Variants in INSC observed in about 807,000 individuals in gnomAD.
INSC encodes the protein INSC spindle orientation adaptor protein.
INSC carries 67 observed loss-of-function variants against 58.6 expected under a neutral mutation model. The ratio of observed to expected loss-of-function variants is 1.14; its 90% CI spans 0.94 to 1.40. The LOEUF (loss-of-function observed/expected upper bound fraction) is 1.40. INSC is among the 40% of genes most tolerant of loss of function. The pLI is 0.00. For missense variants in INSC, 714 were observed against 692.0 expected, an observed-to-expected ratio of 1.03 and a Z score of -0.36; for synonymous variants, 262 against 276.1, an observed-to-expected ratio of 0.95 and a Z score of 0.51.
intron 6 of INSC, among the ~76,000 whole-genome samples, chr11:15,199,348 C>T (rs1400334899): frequency 6.6e-6 from 1 of 152,170 alleles, no homozygotes; most frequent in Non-Finnish European, 1.5e-5. Flanking sequence ...TTATGAACTC[C>T]TCCAGAGTTG....
intron 12 of INSC, among the ~76,000 whole-genome samples, chr11:15,243,824 C>A (rs189126721): frequency 1.1e-4 from 16 of 151,804 alleles, no homozygotes; most frequent in African/African-American, 3.6e-4. Context: ...TTACCTCACC[C>A]TACCTCTCTC....
chr11:15,180,373 T>A (rs1849727572), intron 5 of INSC, among the ~76,000 whole-genome samples: 1 of 152,180 alleles, frequency 6.6e-6, no homozygotes, highest in Admixed American at 6.5e-5. Context: ...GTGCTTTCTA[T>A]GAGGCAGCAA....
At chr11:15,137,918 A>T (rs140838409) in intron 1 of INSC, among the ~76,000 whole-genome samples, 1 of 152,322 alleles carries the variant, frequency 6.6e-6, no homozygotes, top group East Asian at 1.9e-4. Flanking sequence ...GGCTTTTGAC[A>T]TGCTGTCCTC....
chr11:15,229,457 T>G (rs1435931668), intron 9 of INSC, among the ~76,000 whole-genome samples: 1 of 152,184 alleles, frequency 6.6e-6, no homozygotes, highest in South Asian at 2.1e-4. Flanking sequence ...TCAGACAGAT[T>G]TGAGTTCACA....
chr11:15,225,932 C>A, intron 9 of INSC, 104 bp downstream of exon 9: 1 of 1,187,928 alleles, frequency 8.4e-7, no homozygotes, highest in Non-Finnish European at 1.2e-6. Flanking sequence ...CATGGGAGTC[C>A]TGTTAGTTTT....
chr11:15,114,960 G>T lies in INSC; in HGVS notation c.-89G>T. On this transcript the variant is annotated 5_prime_UTR_variant, in exon 1 of 13. Transcript: ENST00000379556. ...GCCTCTGGAGCTCCAGCTGCGCCCC[G>T]CCACCACTGGCCGCTCGCACTACCA... The T allele has an allele frequency of 4.1e-6, 4 of 985,460 alleles. No individual in the cohort carries two copies. The highest frequency in any genetic ancestry group is 4.8e-6 in the Non-Finnish European group (4 of 829,944). 61.0% of individuals were successfully genotyped at this position (985,460 alleles called of 1,614,324 possible). A position where few individuals can be genotyped will look rare whatever the true frequency, so the allele number is the denominator to read the frequency against.
the INSC span, among the ~76,000 whole-genome samples, chr11:15,253,632 C>CTT: frequency 0.065 from 9,541 of 146,502 alleles, 353 homozygotes; most frequent in Non-Finnish European, 0.08. Flanking sequence ...TTTGCAGGGT[C>CTT]TTTTTTTTTT....
At chr11:15,225,960 A>G (rs1381544609) in intron 9 of INSC, 132 bp downstream of exon 9, 4 of 826,540 alleles carry the variant, frequency 4.8e-6, no homozygotes, top group Non-Finnish European at 7.4e-6. Context: ...GTAGGAGGGC[A>G]AATATTCTCC....
chr11:15,245,030 G>A (rs988456788), intron 12 of INSC, among the ~76,000 whole-genome samples: 2 of 152,170 alleles, frequency 1.3e-5, no homozygotes, highest in South Asian at 2.1e-4. Flanking sequence ...ATTGAGCCCT[G>A]TGCCAACCTC....
intron 1 of INSC, among the ~76,000 whole-genome samples, chr11:15,128,736 T>A (rs1295485203): frequency 3.3e-5 from 5 of 152,162 alleles, no homozygotes; most frequent in African/African-American, 7.2e-5. Flanking sequence ...GGGGTAGCCC[T>A]CACCCACCTG....
Position 15,200,950 on chromosome 11 carries a change from G to T in INSC, c.819+1G>T. ...AGAGGGTGTCCACCAGCTGGAGAAGGTAAGGACAGCTGGCTGGGTGGTGCC... is the reference window on the plus strand; with the variant it reads ...AGAGGGTGTCCACCAGCTGGAGAAGTTAAGGACAGCTGGCTGGGTGGTGCC... On this transcript the variant is annotated splice_donor_variant, in intron 7 of 12. Transcript: ENST00000379556. LOFTEE classifies it high-confidence loss of function. The T allele has an allele frequency of 1.3e-6, 2 of 1,599,664 alleles. No homozygotes were observed. The highest frequency in any genetic ancestry group is 1.7e-6 in the Non-Finnish European group (2 of 1,173,454).
chr11:15,269,147 C>A, the INSC span, among the ~76,000 whole-genome samples: 1 of 152,002 alleles, frequency 6.6e-6, no homozygotes, highest in Admixed American at 6.6e-5. Flanking sequence ...ATATCTATTT[C>A]ATTAAATAGT....
At chr11:15,113,662 A>G (rs1277880237), upstream of INSC, among the ~76,000 whole-genome samples, 1 of 152,090 alleles carries the variant, frequency 6.6e-6, no homozygotes, top group Non-Finnish European at 1.5e-5. Flanking sequence ...GCTGTTCTGG[A>G]TGACTGGAGG....
downstream of INSC, among the ~76,000 whole-genome samples, chr11:15,249,851 C>T (rs542292728): frequency 3.3e-5 from 5 of 152,358 alleles, no homozygotes; most frequent in East Asian, 5.8e-4. Context: ...CATTGGCCAG[C>T]TATGTGGCCT....
intron 1 of INSC, among the ~76,000 whole-genome samples, chr11:15,139,215 A>G (rs780099766): frequency 1.3e-5 from 2 of 152,132 alleles, no homozygotes; most frequent in Admixed American, 6.5e-5. Flanking sequence ...ATGTATCCAA[A>G]TTTTCACCAC....
chr11:15,185,009 A>T (rs1448264580), intron 5 of INSC, among the ~76,000 whole-genome samples: 1 of 152,246 alleles, frequency 6.6e-6, no homozygotes, highest in East Asian at 1.9e-4. Flanking sequence ...TGGTTATTTG[A>T]TAAGTCTTGG....
At chr11:15,222,708 A>C (rs945186370) in intron 8 of INSC, among the ~76,000 whole-genome samples, 1 of 152,232 alleles carries the variant, frequency 6.6e-6, no homozygotes, top group Non-Finnish European at 1.5e-5. Flanking sequence ...GAGATCTGCA[A>C]GTACTTTGCA....
intron 2 of INSC, among the ~76,000 whole-genome samples, chr11:15,153,124 G>T (rs1186394698): frequency 3.3e-5 from 5 of 152,192 alleles, no homozygotes; most frequent in Non-Finnish European, 7.3e-5. Context: ...ACATGTTGGT[G>T]ACCTAGTTGG....
rs543867311 is a variant in INSC, at chr11:15,172,365, A to G, written c.57-3376A>G. 7.2e-5 allele frequency among the ~76,000 whole-genome samples: 11 copies of G among 152,270 alleles called. No individual in the cohort carries two copies. The South Asian group carries it at 2.3e-3, about 32-fold the overall frequency. On this transcript the variant is annotated intron_variant, in intron 2 of 12. Transcript: ENST00000379556. Reference sequence around the variant, plus strand: ...AGGCGTATGAAGTCTCTGCATAGGTACAGACCTATGGCAATAAATGCCTGA... The same window carrying G: ...AGGCGTATGAAGTCTCTGCATAGGTGCAGACCTATGGCAATAAATGCCTGA...
Sources: gnomAD v4.1 joint callset for allele counts (sites outside exome capture counted in the v4.1 genomes callset) on GRCh38, gnomAD v4.1.1 for gene constraint, MANE v1.5 for transcripts, NCBI Gene and HGNC (gene_info 2026-07-23, HGNC 2026-07-21) for gene names.